Variants in DIP2A observed in about 807,000 individuals in gnomAD.
DIP2A encodes disco-interacting protein 2 homolog A.
DIP2A carries 85 observed loss-of-function variants against 177.4 expected under a neutral mutation model. The observed-to-expected ratio is 0.48, with a 90% confidence interval of 0.40 to 0.57. DIP2A has a LOEUF of 0.57. Ranked by LOEUF, DIP2A falls within the 20% of genes least tolerant of loss-of-function variation. The probability of loss-of-function intolerance (pLI) is 0.00; values close to 1 mark genes in which losing one functional copy is unlikely to be tolerated. For missense variants in DIP2A, 1,791 were observed against 2,100.2 expected (o/e 0.85, Z 2.88); for synonymous variants, 886 against 881.8 (o/e 1.00, Z -0.08).
rs776007255 is a variant in DIP2A, at chr21:46,541,853, T to A, written c.2134T>A (p.Ser712Thr). The change falls in exon 18 of 38, where the codon TCA becomes ACA. Residue 712 changes from serine to threonine, a missense_variant. Transcript: ENST00000417564. ...VIRVDTEEKL[S>T]VLTVQDVGQV... Reference sequence around the variant, plus strand: ...CAGAGTGGATACTGAAGAAAAGTTGTCAGTCCTTACTGTTCAGGACGTTGG... The same window carrying A: ...CAGAGTGGATACTGAAGAAAAGTTGACAGTCCTTACTGTTCAGGACGTTGG... The A allele has an allele frequency of 6.2e-6, 10 of 1,614,058 alleles. No individual in the cohort carries two copies. In the South Asian group the frequency reaches 1.1e-4, roughly 18 times the overall value.
At chr21:46,494,163 C>G (rs560707739) in intron 3 of DIP2A, among the ~76,000 whole-genome samples, 1 of 152,176 alleles carries the variant, frequency 6.6e-6, no homozygotes, top group Non-Finnish European at 1.5e-5. Context: ...GGCTTTTGCT[C>G]GTATGGCTTC....
chr21:46,462,047 CAAAAA>C (rs1004677207), intron 1 of DIP2A, among the ~76,000 whole-genome samples: 5 of 151,464 alleles, frequency 3.3e-5, no homozygotes, highest in Non-Finnish European at 7.4e-5. Context: ...GACCTTGTCT[CAAAAA>C]AAAGTGTTAA....
intron 1 of DIP2A, among the ~76,000 whole-genome samples, chr21:46,459,990 G>A (rs956194280): frequency 1.3e-5 from 2 of 152,092 alleles, no homozygotes; most frequent in African/African-American, 4.8e-5. Flanking sequence ...CCCGTTGTCC[G>A]CAGGCAGCTA....
chr21:46,533,867 T>A, intron 11 of DIP2A, 137 bp from the exon 12 acceptor site: 1 of 966,130 alleles, frequency 1.0e-6, no homozygotes, highest in Non-Finnish European at 1.5e-6. Context: ...TTAAATTATA[T>A]AAAATGAAAT....
In DIP2A at chr21:46,554,470, G is replaced by GC. The variant is rs1021929419; in HGVS notation, c.3155-98dup. 2.0e-4 allele frequency: 304 copies of GC among 1,544,544 alleles called. 3 individuals are homozygous for GC. The African/African-American group carries it at 2.7e-3, about 14-fold the overall frequency. ...CTGTGGAAACCCAGGAGTCACCCAT[G>GC]CCCCCCCAGCACCACCTCCCCTCCT... On this transcript the variant is annotated intron_variant, in intron 26 of 37. Transcript: ENST00000417564.
intron 1 of DIP2A, among the ~76,000 whole-genome samples, chr21:46,460,147 A>T (rs2054173414): frequency 6.6e-6 from 1 of 152,238 alleles, no homozygotes; most frequent in Non-Finnish European, 1.5e-5. Flanking sequence ...ATATATGCAA[A>T]GCACATAACA....
In DIP2A at chr21:46,547,010, C is replaced by G. The variant is rs201247049; in HGVS notation, c.2490C>G (p.Ala830=). ...NADDVVATAL[A]VEPMKFVYRG... ...ATGACGTTGTGGCCACCGCACTGGC[C>G]GTGGAGCCCATGAAGTTTGTCTACA... Residue 830 remains alanine, a synonymous_variant, in exon 21 of 38, where the codon GCC becomes GCG. Coordinates refer to ENST00000417564, the MANE Select transcript of DIP2A (RefSeq NM_015151.4). 2 of 1,613,956 alleles carry G rather than the reference C, an allele frequency of 1.2e-6. No homozygotes were observed. The highest frequency in any genetic ancestry group is 3.3e-5 in the Admixed American group (2 of 60,024).
At chr21:46,547,066 C>A in intron 21 of DIP2A, 24 bp downstream of exon 21, 1 of 1,607,136 alleles carries the variant, frequency 6.2e-7, no homozygotes, top group Non-Finnish European at 8.5e-7. Flanking sequence ...GACCCCCACG[C>A]CGGGAGTAGA....
In DIP2A at chr21:46,568,316, C is replaced by G. The variant is rs9941876; in HGVS notation, c.*694C>G. The G allele has an allele frequency of 6.6e-6, 1 of 151,926 alleles. No homozygotes were observed. Among genetic ancestry groups the G allele is most frequent in the Non-Finnish European group, 1.5e-5 (1 of 68,056 alleles). The allele number at this position is 151,926 out of a possible 1,614,324, so 9.4% of individuals were successfully genotyped here. ...CGAGCAGATCACGAGGTCAGGAGAC[C>G]GAGACCATCCTGGCTAACATGGTGA... On this transcript the variant is annotated 3_prime_UTR_variant, in exon 38 of 38. Transcript: ENST00000417564.
intron 1 of DIP2A, among the ~76,000 whole-genome samples, chr21:46,468,669 A>G (rs1334533620): frequency 6.6e-6 from 1 of 152,176 alleles, no homozygotes; most frequent in Non-Finnish European, 1.5e-5. Flanking sequence ...ATATTTAAAA[A>G]TTTGTTAAGA....
intron 1 of DIP2A, among the ~76,000 whole-genome samples, chr21:46,468,682 G>A (rs115682680): frequency 0.01 from 1,580 of 152,222 alleles, 26 homozygotes; most frequent in African/African-American, 0.036. Flanking sequence ...TGTTAAGAGA[G>A]TAGAGCTCAT....
At chr21:46,547,585 A>G (rs1259473621) in intron 21 of DIP2A, among the ~76,000 whole-genome samples, 3 of 144,264 alleles carry the variant, frequency 2.1e-5, no homozygotes, top group Non-Finnish European at 4.6e-5. Flanking sequence ...CTTGTCTGGG[A>G]GGAAGCTCTT....
At chr21:46,469,001 A>T (rs1172285926) in intron 1 of DIP2A, 2 of 152,208 alleles carry the variant, frequency 1.3e-5, no homozygotes, top group African/African-American at 2.4e-5. Context: ...TCTGCCTTCT[A>T]CTAAAGCCCC....
chr21:46,537,428 A>C lies in DIP2A; in HGVS notation c.1708-18A>C, dbSNP rs755730197. 4 of 1,613,822 alleles carry C rather than the reference A, an allele frequency of 2.5e-6. No individual in the cohort carries two copies. In the Admixed American group the frequency reaches 5.0e-5, roughly 20 times the overall value. On this transcript the variant is annotated intron_variant, in intron 14 of 37. Transcript: ENST00000417564. This position sits in a 1 kb window ranked among gnomAD's most constrained non-coding sequence, Gnocchi z 4.1. ...TGGCTCGGGCCCACTCGCCCTAAGC[A>C]TGTGTGCTCCCCCACAGAGCGTCAT...
chr21:46,462,281 G>A (rs972297346), intron 1 of DIP2A, among the ~76,000 whole-genome samples: 3 of 152,206 alleles, frequency 2.0e-5, no homozygotes, highest in Non-Finnish European at 4.4e-5. Flanking sequence ...TGTTGTTGAC[G>A]TGGGCTCTCC....
chr21:46,504,610 T>G, intron 6 of DIP2A, 121 bp downstream of exon 6: 1 of 1,218,476 alleles, frequency 8.2e-7, no homozygotes. Flanking sequence ...TTTTAATCCA[T>G]GCAGATAAAT....
rs2275974 is a variant in DIP2A, at chr21:46,551,889, G to A, written c.3015G>A (p.Leu1005=). The A allele has an allele frequency of 2.4e-4, 385 of 1,606,152 alleles. 6 individuals carry two copies. The East Asian group carries it at 8.3e-3, about 35-fold the overall frequency. ...AHTTPDHPLF[L]LLNAKGTVTS... ...CCACTCCTGACCACCCGCTGTTCTT[G>A]CTGCTGAACGCCAAGGTGAGGCAGT... The change falls in exon 25 of 38, where the codon TTG becomes TTA. Residue 1005 remains leucine, a synonymous_variant. Transcript: ENST00000417564.
chr21:46,550,028 G>T, intron 22 of DIP2A, 143 bp downstream of exon 22: 2 of 1,484,020 alleles, frequency 1.3e-6, no homozygotes, highest in South Asian at 2.7e-5. Context: ...ATTGCAAATT[G>T]ACAAATTACA....
chr21:46,482,826 T>A (rs1344006220), intron 1 of DIP2A, among the ~76,000 whole-genome samples: 3 of 152,204 alleles, frequency 2.0e-5, no homozygotes, highest in Admixed American at 6.5e-5. Context: ...GCAGTGGAGT[T>A]CAGCCAGAGC....
Sources: allele counts gnomAD v4.1 joint callset (sites outside exome capture counted in the v4.1 genomes callset), GRCh38; gene constraint gnomAD v4.1.1; non-coding constraint Gnocchi (gnomAD v3.1); transcripts MANE v1.5; gene names NCBI Gene and HGNC (gene_info 2026-07-23, HGNC 2026-07-21).